Variants in TNXB observed in about 807,000 individuals in gnomAD.
TNXB encodes the protein tenascin-X.
Under a neutral mutation model 340.5 loss-of-function variants are expected in TNXB, and 183 were observed. The ratio of observed to expected loss-of-function variants is 0.54; its 90% confidence interval spans 0.48 to 0.61. The LOEUF is 0.61. TNXB is among the 20% of genes least tolerant of loss of function. The pLI, the probability that TNXB is intolerant of heterozygous loss-of-function variation, is 0.00. For missense variants in TNXB, 4,613 were observed against 5,446.4 expected (o/e 0.85, Z 4.82); for synonymous variants, 2,121 against 2,314.5 (o/e 0.92, Z 2.40).
Position 32,074,408 on chromosome 6 carries a change from C to T in TNXB, c.4376-456G>A, listed in dbSNP as rs964201668. The stretch of plus-strand genomic sequence containing the variant: ...AACATCTGTCTGGTCAACAGTCCTT[C>T]ACTAGGTCCCTGCTCGGTGTCTGAG... On this transcript the variant is annotated intron_variant, in intron 11 of 43. Coordinates refer to ENST00000644971, the MANE Select transcript of TNXB (RefSeq NM_001365276.2). This position sits in a 1 kb window ranked among gnomAD's most constrained non-coding sequence, Gnocchi z 5.5. Among the ~76,000 whole-genome samples the T allele has an allele frequency of 5.9e-5, 9 of 152,228 alleles. No homozygotes were observed. Among genetic ancestry groups the T allele is most frequent in the African/African-American group, 2.2e-4 (9 of 41,458 alleles).
rs1042037638 is a variant in TNXB at position 32,058,371 on chromosome 6, G to A, written c.7512C>T (p.Asp2504=). Residue 2504 remains aspartate, a synonymous_variant, in exon 22 of 44, where the codon GAC becomes GAT. Coordinates refer to ENST00000644971, the MANE Select transcript of TNXB (RefSeq NM_001365276.2). The surrounding 1 kb of genome is among the most constrained non-coding windows in gnomAD (Gnocchi z 5.1). The part of the protein sequence containing the change: ...VGVTAPQEDV[D]ETPSPTEPGT... ...CTGGTTCTGTAGGGCTGGGGGTCTCGTCCACATCCTCTTGTGGGGCTGAAA... is the reference window on the plus strand; with the variant it reads ...CTGGTTCTGTAGGGCTGGGGGTCTCATCCACATCCTCTTGTGGGGCTGAAA... The A allele has an allele frequency of 3.7e-6, 6 of 1,606,072 alleles. No homozygotes were observed. The highest frequency in any genetic ancestry group is 1.7e-4 in the Middle Eastern group (1 of 6,034).
rs1776968828 is a variant in TNXB, at chr6:32,047,514, A to G, written c.10324+220T>C. ...ACTGGAACACAGATCTGCTGGCCCC[A>G]AAGCCCGTGTCCCTTTTATTTCCTC... On this transcript the variant is annotated intron_variant, in intron 30 of 43. Transcript: ENST00000644971. The surrounding 1 kb of genome is among the most constrained non-coding windows in gnomAD (Gnocchi z 6.2). 1.3e-5 allele frequency among the ~76,000 whole-genome samples: 2 copies of G among 152,224 alleles called. No individual in the cohort carries two copies.
rs920200660 is a variant in TNXB at position 32,055,753 on chromosome 6, G to C, written c.8467+98C>G. 122 of 1,495,558 alleles carry C rather than the reference G, an allele frequency of 8.2e-5. No individual in the cohort carries two copies. The African/African-American group carries it at 1.4e-3, about 17-fold the overall frequency. The allele number at this position is 1,495,558 out of a possible 1,614,324, so 92.6% of individuals were successfully genotyped here. ...GCAAGATCCCCAAGCATGGAAACGT[G>C]CAAAAGAAGCCCGGCTGGTGAGAAT... On this transcript the variant is annotated intron_variant, in intron 24 of 43. Coordinates refer to ENST00000644971, the MANE Select transcript of TNXB (RefSeq NM_001365276.2).
In TNXB at chr6:32,084,052, T is replaced by G. The variant is rs928106691; in HGVS notation, c.3445+361A>C. ...ATCTAGTCTCATCACTCTCCCACTT[T>G]ACCCTTCAGAGGCCCTCTAGGGGCC... On this transcript the variant is annotated intron_variant, in intron 8 of 43. Coordinates refer to ENST00000644971, the MANE Select transcript of TNXB (RefSeq NM_001365276.2). This position sits in a 1 kb window ranked among gnomAD's most constrained non-coding sequence, Gnocchi z 5.5. 6.6e-6 allele frequency among the ~76,000 whole-genome samples: 1 copy of G among 152,174 alleles called. No individual in the cohort carries two copies. The highest frequency in any genetic ancestry group is 2.4e-5 in the African/African-American group (1 of 41,440).
At chr6:32,086,168 G>A (rs1361901939) in intron 6 of TNXB, 50 bp from the exon 7 acceptor site, 1 of 1,438,908 alleles carries the variant, frequency 6.9e-7, no homozygotes, top group South Asian at 1.5e-5. Flanking sequence ...ATGAGAACTA[G>A]AAAGGAATCC....
rs754160588 is a variant in TNXB at position 32,068,644 on chromosome 6, C to T, written c.5966G>A (p.Arg1989His). The T allele has an allele frequency of 4.3e-5, 69 of 1,613,658 alleles. No individual in the cohort carries two copies. Among genetic ancestry groups the T allele is most frequent in the South Asian group, 3.4e-4 (31 of 91,052 alleles). The stretch of plus-strand genomic sequence containing the variant: ...ATCTGTCACGGTCAGCTCCCCCAGG[C>T]GAGGCTTGATGGGGGGCTCGGGGGT... Reference protein sequence around the residue: ...TATPEPPIKPRLGELTVTDAT... With the variant: ...TATPEPPIKPHLGELTVTDAT... Residue 1989 changes from arginine (R) to histidine (H), a missense_variant, in exon 17 of 44, where the codon CGC (arginine) becomes CAC (histidine). Physicochemically the swap from Arg to His is conservative, Grantham distance 29. Transcript: ENST00000644971. The surrounding 1 kb of genome is among the most constrained non-coding windows in gnomAD (Gnocchi z 5.3).
Position 32,064,979 on chromosome 6 carries a change from A to T in TNXB, c.6683T>A (p.Phe2228Tyr), listed in dbSNP as rs3749960. The change falls in exon 19 of 44, where the codon TTT becomes TAT. Residue 2228 changes from phenylalanine (F) to tyrosine (Y), a missense_variant. Around this residue, in one of 7 missense-constraint regions of TNXB, gnomAD observed 4,327 missense variants for 4,859.4 expected, o/e 0.89. Coordinates refer to ENST00000644971, the MANE Select transcript of TNXB (RefSeq NM_001365276.2). This position sits in a 1 kb window ranked among gnomAD's most constrained non-coding sequence, Gnocchi z 5.3. The stretch of plus-strand genomic sequence containing the variant: ...CTTGGGCTGCCCGTCCCCATTCTTA[A>T]ACTGGACCAAGAAATGGTCAAACTG... ...EGQFDHFLVQ[F>Y]KNGDGQPKAV... 5,369 of 1,612,642 alleles carry T rather than the reference A, an allele frequency of 3.3e-3. 156 individuals are homozygous for T. In the East Asian group the frequency reaches 0.073, roughly 22 times the overall value.
rs1777817012 is a variant in TNXB at position 32,058,455 on chromosome 6, G to GGTGCTTTGC, written c.7493-66_7493-65insGCAAAGCAC. The GGTGCTTTGC allele has an allele frequency of 7.5e-7, 1 of 1,325,470 alleles. No individual in the cohort carries two copies. The highest frequency in any genetic ancestry group is 1.0e-6 in the Non-Finnish European group (1 of 978,852). 82.1% of individuals were successfully genotyped at this position (1,325,470 alleles called of 1,614,324 possible). A position where few individuals can be genotyped will look rare whatever the true frequency, so the allele number is the denominator to read the frequency against. On this transcript the variant is annotated intron_variant, in intron 21 of 43. Transcript: ENST00000644971. The surrounding 1 kb of genome is among the most constrained non-coding windows in gnomAD (Gnocchi z 5.1). ...AAGGGCAACTTGCTTTGCTGGTGCT[G>GGTGCTTTGC]TCAACAGAGGTCATACATCAAATGT...
chr6:32,041,362 G>C lies in TNXB; in HGVS notation c.12722C>G (p.Ala4241Gly). 1 of 981,016 alleles carries C rather than the reference G, an allele frequency of 1.0e-6. No individual in the cohort carries two copies. Among genetic ancestry groups the C allele is most frequent in the Non-Finnish European group, 1.6e-6 (1 of 629,408 alleles). 60.8% of individuals were successfully genotyped at this position (981,016 alleles called of 1,614,324 possible). The change falls in exon 44 of 44, where the codon GCG becomes GGG. Residue 4241 changes from alanine to glycine, a missense_variant. By Grantham distance (60) the Ala-to-Gly change is moderately conservative. This residue lies in a region of TNXB where 18 missense variants were observed against 60.7 expected (regional missense o/e 0.30). Transcript: ENST00000644971. ...GTGGGCAGCAGCTCAGCCTCCCCCC[G>C]CTGGGGAGCGAAAGTTTCTTGGTCT... ...KLRPRNFRSP[A>G]GGG
rs971461952 is a variant in TNXB, at chr6:32,073,556, C to T, written c.4681+91G>A. ...GGGATCTAGCCCCTCAGTGAGGGTG[C>T]GGTGGTACCAAGGCAGGGCTGGAAG... is the stretch of plus-strand genomic sequence containing the variant. On this transcript the variant is annotated intron_variant, in intron 12 of 43. Transcript: ENST00000644971. The surrounding 1 kb of genome is among the most constrained non-coding windows in gnomAD (Gnocchi z 4.6). The T allele has an allele frequency of 1.3e-5, 16 of 1,193,248 alleles. No homozygotes were observed. Among genetic ancestry groups the T allele is most frequent in the Non-Finnish European group, 1.8e-5 (15 of 847,780 alleles). The allele number at this position is 1,193,248 out of a possible 1,614,324, so 73.9% of individuals were successfully genotyped here.
At position 32,097,110 on chromosome 6, in the gene TNXB, G is replaced by C; in HGVS notation, c.743C>G (p.Ser248Cys). The change falls in exon 3 of 44, where the codon TCC (serine) becomes TGC (cysteine). Residue 248 changes from serine (S) to cysteine (C), a missense_variant. Ser to Cys is a moderately radical substitution (Grantham distance 112). This residue lies in a region of TNXB where 4,327 missense variants were observed against 4,859.4 expected (regional missense o/e 0.89). Coordinates refer to ENST00000644971, the MANE Select transcript of TNXB (RefSeq NM_001365276.2). The surrounding 1 kb of genome is among the most constrained non-coding windows in gnomAD (Gnocchi z 5.9). ...CCTCTGGCTGCAACCTCGAGGGCAG[G>C]AGCGCTGGCTGCAGTCGGGGCCTGA... is the stretch of plus-strand genomic sequence containing the variant. ...GFSGPDCSQR[S>C]CPRGCSQRGR... The C allele has an allele frequency of 1.9e-6, 3 of 1,611,850 alleles. No individual in the cohort carries two copies. The highest frequency in any genetic ancestry group is 2.5e-6 in the Non-Finnish European group (3 of 1,179,146).
rs1485909363 is a variant in TNXB at position 32,058,708 on chromosome 6, A to G, written c.7493-318T>C. Among the ~76,000 whole-genome samples, 1 of 151,898 alleles carries G rather than the reference A, an allele frequency of 6.6e-6. No homozygotes were observed. The highest frequency in any genetic ancestry group is 1.5e-5 in the Non-Finnish European group (1 of 68,042). On this transcript the variant is annotated intron_variant, in intron 21 of 43. Coordinates refer to ENST00000644971, the MANE Select transcript of TNXB (RefSeq NM_001365276.2). This position sits in a 1 kb window ranked among gnomAD's most constrained non-coding sequence, Gnocchi z 5.1. ...TCTGGGCATCTGTCCTAAGAAAATT[A>G]TTAAAGCAGGAAAAAGTTATAGCAT...
At chr6:32,056,978 A>C (rs1277865686) in intron 22 of TNXB, 75 bp from the exon 23 acceptor site, 11 of 1,564,582 alleles carry the variant, frequency 7.0e-6, no homozygotes, top group Non-Finnish European at 9.6e-6. Flanking sequence ...GATGTGTCAC[A>C]AAACACAAAG....
chr6:32,079,416 C>G lies in TNXB; in HGVS notation c.4043-51G>C. 1 of 1,434,526 alleles carries G rather than the reference C, an allele frequency of 7.0e-7. No homozygotes were observed. The highest frequency in any genetic ancestry group is 9.5e-7 in the Non-Finnish European group (1 of 1,052,972). The allele number at this position is 1,434,526 out of a possible 1,614,324, so 88.9% of individuals were successfully genotyped here. A position where few individuals can be genotyped will look rare whatever the true frequency, so the allele number is the denominator to read the frequency against. On this transcript the variant is annotated intron_variant, in intron 10 of 43. Transcript: ENST00000644971. This position sits in a 1 kb window ranked among gnomAD's most constrained non-coding sequence, Gnocchi z 7.1. The stretch of plus-strand genomic sequence containing the variant: ...GGGCTGCTGGCTTTGCTGCTGCTGC[C>G]CACAGATGACAGCCATGGAAATGCC...
Position 32,049,386 on chromosome 6 carries a change from C to A in TNXB, c.9641G>T (p.Gly3214Val), listed in dbSNP as rs9267795. The change falls in exon 28 of 44, where the codon GGC (glycine) becomes GTC (valine). Residue 3214 changes from glycine to valine, a missense_variant. Physicochemically the swap from Gly to Val is moderately radical, Grantham distance 109. Around this residue, in one of 7 missense-constraint regions of TNXB, gnomAD observed 4,327 missense variants for 4,859.4 expected, o/e 0.89. Coordinates refer to ENST00000644971, the MANE Select transcript of TNXB (RefSeq NM_001365276.2). This position sits in a 1 kb window ranked among gnomAD's most constrained non-coding sequence, Gnocchi z 4.5. ...DGQPQVVRVR[G>V]EESEVTVGGL... ...CCCCACGGTGACCTCGCTCTCCTCG[C>A]CCCTGACACGCACCACCTGGGGCTG... The A allele has an allele frequency of 0.017, 26,793 of 1,612,534 alleles. 402 individuals are homozygous for A. The highest frequency in any genetic ancestry group is 0.044 in the African/African-American group (3,310 of 74,974).
rs1423500761 is a variant in TNXB, at chr6:32,051,352, C to T, written c.9116-1031G>A. 2.6e-5 allele frequency among the ~76,000 whole-genome samples: 4 copies of T among 152,200 alleles called. No homozygotes were observed. The East Asian group carries it at 7.7e-4, about 29-fold the overall frequency. On this transcript the variant is annotated intron_variant, in intron 26 of 43. Coordinates refer to ENST00000644971, the MANE Select transcript of TNXB (RefSeq NM_001365276.2). This position sits in a 1 kb window ranked among gnomAD's most constrained non-coding sequence, Gnocchi z 4.7. The stretch of plus-strand genomic sequence containing the variant: ...AACTTTTCCCATTAGGACAGGAACC[C>T]TAACTCTGAGCCTAACCTCTGTGAG...
intron 22 of TNXB, among the ~76,000 whole-genome samples, chr6:32,057,120 C>T (rs930049291): frequency 6.6e-6 from 1 of 151,654 alleles, no homozygotes; most frequent in Non-Finnish European, 1.5e-5. Context: ...CACCTCCCAA[C>T]ACCCAGGCCA....
In TNXB at chr6:32,049,618, G is replaced by C; in HGVS notation, c.9440-31C>G. 6.3e-7 allele frequency: 1 copy of C among 1,598,570 alleles called. No individual in the cohort carries two copies. The highest frequency in any genetic ancestry group is 8.5e-7 in the Non-Finnish European group (1 of 1,170,306). On this transcript the variant is annotated intron_variant, in intron 27 of 43. Coordinates refer to ENST00000644971, the MANE Select transcript of TNXB (RefSeq NM_001365276.2). The surrounding 1 kb of genome is among the most constrained non-coding windows in gnomAD (Gnocchi z 4.5). Reference sequence around the variant, plus strand: ...GTGGAGAAGGAGGGAGAGAGAGTGAGGGGGATGTCCTTGGGTCCTGGGGAA... The same window carrying C: ...GTGGAGAAGGAGGGAGAGAGAGTGACGGGGATGTCCTTGGGTCCTGGGGAA...
rs1778923723 is a variant in TNXB at position 32,073,875 on chromosome 6, C to T, written c.4453G>A (p.Val1485Met). 1.2e-6 allele frequency: 2 copies of T among 1,610,786 alleles called. No homozygotes were observed. The highest frequency in any genetic ancestry group is 1.7e-6 in the Non-Finnish European group (2 of 1,178,812). The change falls in exon 12 of 44, where the codon GTG becomes ATG. Residue 1485 changes from valine (V) to methionine (M), a missense_variant. By Grantham distance (21) the Val-to-Met change is conservative. Transcript: ENST00000644971. This position sits in a 1 kb window ranked among gnomAD's most constrained non-coding sequence, Gnocchi z 4.6. ...GAGAGGCCCACAGAGTTGGGGGTCACATCTGTCACTGTCAGCTCTCCTAGG... is the reference window on the plus strand; with the variant it reads ...GAGAGGCCCACAGAGTTGGGGGTCATATCTGTCACTGTCAGCTCTCCTAGG... ...PRLGELTVTDVTPNSVGLSWT... is the reference protein window; with the variant it reads ...PRLGELTVTDMTPNSVGLSWT...
Sources: allele counts gnomAD v4.1 joint callset (sites outside exome capture counted in the v4.1 genomes callset), GRCh38; gene constraint gnomAD v4.1.1; regional missense constraint gnomAD v4.1.1; non-coding constraint Gnocchi (gnomAD v3.1); transcripts MANE v1.5; gene names NCBI Gene and HGNC (gene_info 2026-07-23, HGNC 2026-07-21).